TNN: variants seen among roughly 807,000 people sequenced by gnomAD.
The protein encoded by TNN is tenascin-N.
Under a neutral mutation model 134.4 loss-of-function variants are expected in TNN, and 122 were observed. That is an observed-to-expected ratio of 0.91 (90% CI 0.78 to 1.06). The LOEUF (loss-of-function observed/expected upper bound fraction) is 1.06, where lower values mean the gene tolerates loss of function less well. Among genes scored for constraint, TNN ranks in the 50% least tolerant of loss-of-function variants. The pLI, the probability that TNN is intolerant of heterozygous loss-of-function variation, is 0.00. For synonymous variants in TNN, 710 were observed against 670.3 expected (o/e 1.06, Z -0.91); for missense variants, 1,739 against 1,699.4 (o/e 1.02, Z -0.41).
chr1:175,126,496 T>A (rs1675531850), intron 12 of TNN, among the ~76,000 whole-genome samples: 1 of 152,198 alleles, frequency 6.6e-6, no homozygotes, highest in African/African-American at 2.4e-5. Context: ...TCTTGGGTAG[T>A]TTCCCAGTGA....
intron 1 of TNN, among the ~76,000 whole-genome samples, chr1:175,074,747 T>C (rs1673999124): frequency 6.6e-6 from 1 of 152,230 alleles, no homozygotes; most frequent in South Asian, 2.1e-4. Flanking sequence ...GGTACCATTC[T>C]GCTTAATTCA....
chr1:175,108,264 T>C (rs1388945232), intron 9 of TNN, among the ~76,000 whole-genome samples: 3 of 151,998 alleles, frequency 2.0e-5, no homozygotes, highest in African/African-American at 7.3e-5. Context: ...AGCAGCTAGA[T>C]ACAGAGTGTT....
intron 11 of TNN, 26 bp from the exon 12 acceptor site, chr1:175,123,374 A>G: frequency 6.2e-7 from 1 of 1,612,204 alleles, no homozygotes; most frequent in Non-Finnish European, 8.5e-7. Flanking sequence ...TCTAAAGTTC[A>G]GCCTTTTCTA....
At position 175,083,820 on chromosome 1, in the gene TNN, C is replaced by A. The variant is rs774630799; in HGVS notation, c.1119C>A (p.Asn373Lys). 1 of 1,614,180 alleles carries A rather than the reference C, an allele frequency of 6.2e-7. No homozygotes were observed. Among genetic ancestry groups the A allele is most frequent in the East Asian group, 2.2e-5 (1 of 44,882 alleles). Residue 373 changes from asparagine (N) to lysine (K), a missense_variant, in exon 5 of 19, where the codon AAC becomes AAA. Coordinates refer to ENST00000239462, the MANE Select transcript of TNN (RefSeq NM_022093.2). ...ACTCCCTTGACGTGGAGTGGGAAAA[C>A]CCCTCAACTGAGGTGGACTACTACA... ...TENSLDVEWE[N>K]PSTEVDYYKL...
In TNN at chr1:175,077,493, A is replaced by G. The variant is rs1304155846; in HGVS notation, c.75A>G (p.Pro25=). The G allele has an allele frequency of 6.2e-7, 1 of 1,613,908 alleles. No individual in the cohort carries two copies. The highest frequency in any genetic ancestry group is 1.1e-5 in the South Asian group (1 of 91,074). ...CTGTGCTCCTGGTGGCTTCGGCCCC[A>G]GCCACTCTGGAGCCTCCCGGCTGCA... ...LGSVLLVASA[P]ATLEPPGCSN... is the part of the protein sequence containing the mutation. The change falls in exon 2 of 19, where the codon CCA becomes CCG. Residue 25 remains proline (P), a synonymous_variant. Transcript: ENST00000239462.
Position 175,077,372 on chromosome 1 carries a change from T to G in TNN, c.-35-12T>G. Reference sequence around the variant, plus strand: ...TCTCCGTGGCTTTCTTTTGCAATGTTTCTGAATACAGGCATCCTGGAGGGT... The same window carrying G: ...TCTCCGTGGCTTTCTTTTGCAATGTGTCTGAATACAGGCATCCTGGAGGGT... On this transcript the variant is annotated splice_polypyrimidine_tract_variant and intron_variant, in intron 1 of 18. Coordinates refer to ENST00000239462, the MANE Select transcript of TNN (RefSeq NM_022093.2). The G allele has an allele frequency of 6.4e-7, 1 of 1,551,738 alleles. No individual in the cohort carries two copies. Among genetic ancestry groups the G allele is most frequent in the Non-Finnish European group, 8.7e-7 (1 of 1,148,792 alleles).
Position 175,115,613 on chromosome 1 carries a change from G to A in TNN, c.2120-1326G>A, listed in dbSNP as rs74424567. Among the ~76,000 whole-genome samples the A allele has an allele frequency of 7.1e-3, 1,074 of 152,132 alleles. 12 individuals carry two copies. Among genetic ancestry groups the A allele is most frequent in the African/African-American group, 0.021 (879 of 41,482 alleles). ...AGCAGTTTACCCTTAGGGATGAAGG[G>A]GTGAATGGCTACTCACCCCGAGAGC... On this transcript the variant is annotated intron_variant, in intron 9 of 18. Transcript: ENST00000239462.
Position 175,097,572 on chromosome 1 carries a change from C to G in TNN, c.1744C>G (p.Gln582Glu). The G allele has an allele frequency of 6.2e-7, 1 of 1,614,174 alleles. No homozygotes were observed. Among genetic ancestry groups the G allele is most frequent in the South Asian group, 1.1e-5 (1 of 91,080 alleles). Reference protein sequence around the residue: ...ETREVLVGKEQSSTVLTGLRP... With the variant: ...ETREVLVGKEESSTVLTGLRP... ...CAGAGAGGTTCTGGTGGGGAAGGAG[C>G]AGAGCAGCACTGTCCTGACAGGCCT... The change falls in exon 8 of 19, where the codon CAG (glutamine) becomes GAG (glutamate). Residue 582 changes from glutamine (Q) to glutamate (E), a missense_variant. Gln to Glu is a conservative substitution (Grantham distance 29, BLOSUM62 2). Coordinates refer to ENST00000239462, the MANE Select transcript of TNN (RefSeq NM_022093.2).
intron 2 of TNN, among the ~76,000 whole-genome samples, chr1:175,078,498 A>G (rs1400093546): frequency 6.6e-6 from 1 of 152,196 alleles, no homozygotes; most frequent in Non-Finnish European, 1.5e-5. Context: ...ATGATAATGA[A>G]CAGTACTTTG....
chr1:175,112,596 A>ATT (rs1244528758), intron 9 of TNN, among the ~76,000 whole-genome samples: 13 of 8,064 alleles, frequency 1.6e-3, no homozygotes, highest in East Asian at 4.9e-3. Context: ...CAGCCGGCCG[A>ATT]TCTTTTTTTT....
intron 1 of TNN, 25 bp from the exon 2 acceptor site, chr1:175,077,359 T>G (rs1674063982): frequency 1.3e-6 from 2 of 1,526,412 alleles, no homozygotes; most frequent in Non-Finnish European, 1.8e-6. Context: ...TCCGTGGCTT[T>G]CTTTTGCAAT....
chr1:175,125,777 C>T (rs879818526), intron 12 of TNN, among the ~76,000 whole-genome samples: 8 of 142,990 alleles, frequency 5.6e-5, no homozygotes, highest in African/African-American at 7.8e-5. Context: ...CCCTCCCTTT[C>T]TCTCTTCTTT....
At chr1:175,119,674 G>A (rs1410062878) in intron 11 of TNN, among the ~76,000 whole-genome samples, 10 of 133,674 alleles carry the variant, frequency 7.5e-5, no homozygotes, top group Admixed American at 7.4e-4. Context: ...TTGCCCTGTC[G>A]CCCAGGCTGG....
In TNN at chr1:175,077,791, C is replaced by T; in HGVS notation, c.373C>T (p.Gln125Ter). 2 of 1,614,092 alleles carry T rather than the reference C, an allele frequency of 1.2e-6. No homozygotes were observed. The highest frequency in any genetic ancestry group is 8.5e-7 in the Non-Finnish European group (1 of 1,179,924). The change falls in exon 2 of 19, where the codon CAG becomes TAG. Residue 125 changes from glutamine to a stop codon, truncating the protein, a stop_gained. Coordinates refer to ENST00000239462, the MANE Select transcript of TNN (RefSeq NM_022093.2). LOFTEE classifies it high-confidence loss of function. ...LEEEMVEMKE[Q>*]CSAQRCCQGV... Reference sequence around the variant, plus strand: ...GGAAGAGATGGTGGAGATGAAGGAACAGTGTAGTGCCCAGCGCTGCTGCCA... The same window carrying T: ...GGAAGAGATGGTGGAGATGAAGGAATAGTGTAGTGCCCAGCGCTGCTGCCA...
intron 15 of TNN, among the ~76,000 whole-genome samples, chr1:175,133,593 C>T (rs189418091): frequency 2.6e-5 from 4 of 152,234 alleles, no homozygotes; most frequent in African/African-American, 9.6e-5. Flanking sequence ...TTAATGGATT[C>T]GTCCTTCTTC....
chr1:175,085,463 G>A lies in TNN; in HGVS notation c.1293G>A (p.Glu431=), dbSNP rs1270286247. 1 of 1,613,126 alleles carries A rather than the reference G, an allele frequency of 6.2e-7. No individual in the cohort carries two copies. Among genetic ancestry groups the A allele is most frequent in the Admixed American group, 1.7e-5 (1 of 59,970 alleles). The change falls in exon 6 of 19, where the codon GAG becomes GAA. Residue 431 remains glutamate, a synonymous_variant. Transcript: ENST00000239462. ...ITVVPMRGEL[E]GKPILLNGRT... ...TGGTGCCCATGAGAGGAGAGCTGGA[G>A]GGCAAGCCGATCCTCCTGAATGGCA... is the stretch of plus-strand genomic sequence containing the variant.
Position 175,134,991 on chromosome 1 carries a change from C to G in TNN, c.3331-854C>G, listed in dbSNP as rs112221547. 3.0e-3 allele frequency among the ~76,000 whole-genome samples: 458 copies of G among 152,292 alleles called. 3 individuals are homozygous for G. The highest frequency in any genetic ancestry group is 9.2e-3 in the African/African-American group (382 of 41,546). On this transcript the variant is annotated intron_variant, in intron 15 of 18. Transcript: ENST00000239462. Reference sequence around the variant, plus strand: ...AATCCCTTTTAAAGGCTCACCAGGACTGACTCTTGCCATCTTCTCAGCCTC... The same window carrying G: ...AATCCCTTTTAAAGGCTCACCAGGAGTGACTCTTGCCATCTTCTCAGCCTC...
In TNN at chr1:175,118,585, T is replaced by A; in HGVS notation, c.2411T>A (p.Val804Asp). 6.2e-7 allele frequency: 1 copy of A among 1,613,982 alleles called. No individual in the cohort carries two copies. The change falls in exon 11 of 19, where the codon GTC (valine) becomes GAC (aspartate). Residue 804 changes from valine to aspartate, a missense_variant. Physicochemically the swap from Val to Asp is radical, Grantham distance 152. Transcript: ENST00000239462. ...GACATTGACAGCCCCCAAAACCTGG[T>A]CACTGACTGGGTGACAGAGAATACA... is the stretch of plus-strand genomic sequence containing the variant. ...QTDIDSPQNLVTDWVTENTAT... is the reference protein window; with the variant it reads ...QTDIDSPQNLDTDWVTENTAT...
At position 175,080,188 on chromosome 1, in the gene TNN, G is replaced by C. The variant is rs771481538; in HGVS notation, c.810G>C (p.Leu270=). The C allele has an allele frequency of 6.2e-7, 1 of 1,613,892 alleles. No individual in the cohort carries two copies. Among genetic ancestry groups the C allele is most frequent in the Admixed American group, 1.7e-5 (1 of 59,992 alleles). Residue 270 remains leucine, a synonymous_variant, in exon 4 of 19, where the codon CTG becomes CTC. Coordinates refer to ENST00000239462, the MANE Select transcript of TNN (RefSeq NM_022093.2). ...TGGTCACCCCACAGGGCCTGCAGCT[G>C]CTCAAGAACACGGAGGATTCTCTGC... ...AQVVTPQGLQ[L]LKNTEDSLLV...
Sources: gnomAD v4.1 joint callset for allele counts (sites outside exome capture counted in the v4.1 genomes callset) on GRCh38, gnomAD v4.1.1 for gene constraint, MANE v1.5 for transcripts, NCBI Gene and HGNC (gene_info 2026-07-23, HGNC 2026-07-21) for gene names.